The following PCDH15 variants were observed in gnomAD, a reference collection of about 807,000 sequenced individuals.
PCDH15 encodes the protein protocadherin-15.
Under a neutral mutation model 178.5 loss-of-function variants are expected in PCDH15, and 129 were observed. The ratio of observed to expected loss-of-function variants is 0.72; its 90% confidence interval spans 0.63 to 0.84. The LOEUF is 0.84. PCDH15 is among the 40% of genes least tolerant of loss of function. The probability of loss-of-function intolerance (pLI) is 0.00; values close to 1 mark genes in which losing one functional copy is unlikely to be tolerated. For missense variants in PCDH15, 2,230 were observed against 2,099.9 expected, an observed-to-expected ratio of 1.06 and a Z score of -1.21; for synonymous variants, 800 against 732.0, an observed-to-expected ratio of 1.09 and a Z score of -1.50.
chr10:55,104,580 G>GTTCT (rs1463713018), intron 2 of PCDH15, among the ~76,000 whole-genome samples: 1 of 152,072 alleles, frequency 6.6e-6, no homozygotes, highest in Non-Finnish European at 1.5e-5. Flanking sequence ...AAAGTACAAG[G>GTTCT]TTCTGTGTCT....
At chr10:53,969,570 G>A (rs570106578) in intron 21 of PCDH15, among the ~76,000 whole-genome samples, 4 of 152,280 alleles carry the variant, frequency 2.6e-5, no homozygotes, top group South Asian at 2.1e-4. Context: ...ATTCACCAAA[G>A]TTGAAATGAA....
intron 18 of PCDH15, among the ~76,000 whole-genome samples, chr10:54,030,068 C>A (rs1198645631): frequency 3.3e-5 from 5 of 151,966 alleles, no homozygotes; most frequent in Non-Finnish European, 7.4e-5. Flanking sequence ...AATTTTATGA[C>A]AAAAATCAGC....
chr10:54,585,706 G>T (rs557980942), intron 2 of PCDH15, among the ~76,000 whole-genome samples: 2 of 152,046 alleles, frequency 1.3e-5, no homozygotes, highest in East Asian at 3.9e-4. Context: ...GGTACTATTA[G>T]CTTAACAGAT....
intron 13 of PCDH15, among the ~76,000 whole-genome samples, chr10:54,169,520 T>A (rs55949032): frequency 5.5e-4 from 76 of 139,004 alleles, no homozygotes; most frequent in South Asian, 1.2e-3. Context: ...TATTAGGCTG[T>A]GACACTTTAA....
intron 3 of PCDH15, among the ~76,000 whole-genome samples, chr10:54,493,907 TA>T (rs1330059989): frequency 6.6e-6 from 1 of 151,978 alleles, no homozygotes; most frequent in African/African-American, 2.4e-5. Flanking sequence ...TATACAGCCA[TA>T]AAAAATGATG....
At chr10:54,862,295 T>A (rs910988290) in intron 3 of PCDH15, among the ~76,000 whole-genome samples, 16 of 152,192 alleles carry the variant, frequency 1.1e-4, no homozygotes, top group Admixed American at 6.5e-5. Flanking sequence ...TTGTAAAAAA[T>A]TAAAATAATT....
intron 4 of PCDH15, among the ~76,000 whole-genome samples, chr10:54,374,773 T>C (rs980947100): frequency 1.3e-5 from 2 of 152,082 alleles, no homozygotes; most frequent in Non-Finnish European, 2.9e-5. Flanking sequence ...GTTTTAAAAT[T>C]ATAAAACAGT....
At chr10:54,538,386 T>C (rs1699202525) in intron 2 of PCDH15, among the ~76,000 whole-genome samples, 1 of 152,238 alleles carries the variant, frequency 6.6e-6, no homozygotes, top group Admixed American at 6.5e-5. Context: ...CCATTCCTTA[T>C]TTTTGTCAAT....
intron 2 of PCDH15, among the ~76,000 whole-genome samples, chr10:55,590,218 A>G (rs939009787): frequency 6.6e-6 from 1 of 151,428 alleles, no homozygotes; most frequent in Non-Finnish European, 1.5e-5. Flanking sequence ...CAAGGACAAA[A>G]AACCAAACAC....
intron 2 of PCDH15, among the ~76,000 whole-genome samples, chr10:54,565,478 G>C (rs982650173): frequency 3.9e-5 from 6 of 152,114 alleles, no homozygotes; most frequent in African/African-American, 1.4e-4. Flanking sequence ...CTATTGCACT[G>C]TATTTATAGG....
chr10:54,004,426 C>CACACACACACA (rs35001487), intron 20 of PCDH15, among the ~76,000 whole-genome samples: 2,607 of 96,882 alleles, frequency 0.027, 79 homozygotes, highest in African/African-American at 0.048. Context: ...CACACACACA[C>CACACACACACA]CACACAAAGT....
chr10:53,876,187 T>G (rs577239734), intron 26 of PCDH15, among the ~76,000 whole-genome samples: 19 of 56,264 alleles, frequency 3.4e-4, no homozygotes, highest in South Asian at 6.9e-4. Flanking sequence ...TGTTTTTTTT[T>G]TTGTTTTTTT....
intron 26 of PCDH15, among the ~76,000 whole-genome samples, chr10:53,890,434 A>G (rs1379466837): frequency 6.6e-6 from 1 of 152,180 alleles, no homozygotes; most frequent in Non-Finnish European, 1.5e-5. Flanking sequence ...CTCAAAAAAA[A>G]GAACAAAAAA....
At chr10:54,127,625 G>A (rs2042093461) in intron 15 of PCDH15, among the ~76,000 whole-genome samples, 1 of 152,118 alleles carries the variant, frequency 6.6e-6, no homozygotes, top group South Asian at 2.1e-4. Context: ...ATTTTTAATT[G>A]TTAACTCTTA....
chr10:54,687,276 A>C (rs2095029962), intron 1 of PCDH15, among the ~76,000 whole-genome samples: 1 of 152,134 alleles, frequency 6.6e-6, no homozygotes, highest in African/African-American at 2.4e-5. Flanking sequence ...AAATGGAACT[A>C]CCATATGATT....
At chr10:55,129,090 TGAATTTAGG>T (rs1247720494) in intron 2 of PCDH15, among the ~76,000 whole-genome samples, 4 of 152,140 alleles carry the variant, frequency 2.6e-5, no homozygotes, top group African/African-American at 7.2e-5. Context: ...ATAGGATCTC[TGAATTTAGG>T]GAATCTTAAT....
chr10:55,445,776 G>A (rs1012785330), intron 2 of PCDH15, among the ~76,000 whole-genome samples: 3 of 152,108 alleles, frequency 2.0e-5, no homozygotes, highest in Non-Finnish European at 4.4e-5. Flanking sequence ...GAAAACAGGA[G>A]GATCACGTGC....
chr10:55,034,819 T>C (rs1840696212), intron 2 of PCDH15, among the ~76,000 whole-genome samples: 1 of 152,224 alleles, frequency 6.6e-6, no homozygotes, highest in Non-Finnish European at 1.5e-5. Context: ...TTGCAATTAT[T>C]GTATTTATAT....
At chr10:54,562,702 GTCTC>G (rs1158698518) in intron 2 of PCDH15, among the ~76,000 whole-genome samples, 3 of 151,954 alleles carry the variant, frequency 2.0e-5, no homozygotes, top group Admixed American at 6.6e-5. Flanking sequence ...CTCACTCTCA[GTCTC>G]TCTCTCTTGA....
Sources: allele counts gnomAD v4.1 joint callset (sites outside exome capture counted in the v4.1 genomes callset), GRCh38; gene constraint gnomAD v4.1.1; transcripts MANE v1.5; gene names NCBI Gene and HGNC (gene_info 2026-07-23, HGNC 2026-07-21).